Variants in ZFYVE28 observed in about 807,000 individuals in gnomAD.
The protein encoded by ZFYVE28 is lateral signaling target protein 2 homolog.
In ZFYVE28, 40 loss-of-function variants were observed where a neutral mutation model predicts 82.1. The ratio of observed to expected loss-of-function variants is 0.49; its 90% CI spans 0.38 to 0.63. ZFYVE28 has a LOEUF of 0.63. Among genes scored for constraint, ZFYVE28 ranks in the 30% least tolerant of loss-of-function variants. ZFYVE28 has a pLI of 0.00. For missense variants in ZFYVE28, 1,321 were observed against 1,242.1 expected (o/e 1.06, Z -0.96); for synonymous variants, 612 against 546.1 (o/e 1.12, Z -1.68).
intron 1 of ZFYVE28, among the ~76,000 whole-genome samples, chr4:2,360,430 C>A (rs1725986847): frequency 6.7e-6 from 1 of 150,186 alleles, no homozygotes; most frequent in South Asian, 2.1e-4. Context: ...CACACACAGG[C>A]ACGCACGCAC....
intron 1 of ZFYVE28, among the ~76,000 whole-genome samples, chr4:2,385,366 CA>C (rs1488651202): frequency 6.6e-6 from 1 of 151,752 alleles, no homozygotes; most frequent in African/African-American, 2.4e-5. Context: ...CTTACAGCCC[CA>C]GCGCTGAGAG....
chr4:2,371,333 A>G (rs1361961735), intron 1 of ZFYVE28, among the ~76,000 whole-genome samples: 1 of 152,218 alleles, frequency 6.6e-6, no homozygotes, highest in African/African-American at 2.4e-5. Context: ...AATACAACTT[A>G]GAAGCATTTG....
At chr4:2,377,188 A>AT (rs1728244868) in intron 1 of ZFYVE28, among the ~76,000 whole-genome samples, 1 of 148,330 alleles carries the variant, frequency 6.7e-6, no homozygotes, top group Non-Finnish European at 1.5e-5. Context: ...CGCCCAGCTA[A>AT]TTTTTTGTAT....
chr4:2,409,044 G>A lies in ZFYVE28; in HGVS notation c.39+9241C>T, dbSNP rs999388445. On this transcript the variant is annotated intron_variant, in intron 1 of 12. Transcript: ENST00000290974. This position sits in a 1 kb window ranked among gnomAD's most constrained non-coding sequence, Gnocchi z 4.4. ...ACATGCCTGGGCATCTCGCAGTGGG[G>A]AGGTCTGCCTTTACGCGGTCTGTGA... Among the ~76,000 whole-genome samples, 1 of 152,112 alleles carries A rather than the reference G, an allele frequency of 6.6e-6. No individual in the cohort carries two copies. Among genetic ancestry groups the A allele is most frequent in the African/African-American group, 2.4e-5 (1 of 41,404 alleles).
At chr4:2,355,279 CTTCT>C (rs1380238578) in intron 1 of ZFYVE28, among the ~76,000 whole-genome samples, 1 of 38,052 alleles carries the variant, frequency 2.6e-5, no homozygotes, top group East Asian at 7.2e-4. Flanking sequence ...TATAATGATT[CTTCT>C]TTTTTTTTTT....
At chr4:2,334,158 C>T (rs977179990) in intron 6 of ZFYVE28, among the ~76,000 whole-genome samples, 2 of 152,320 alleles carry the variant, frequency 1.3e-5, no homozygotes, top group South Asian at 2.1e-4. Flanking sequence ...AAAGACGCAA[C>T]CTCTGCGAGG....
intron 1 of ZFYVE28, among the ~76,000 whole-genome samples, chr4:2,415,619 G>A (rs1007948376): frequency 7.9e-5 from 12 of 152,166 alleles, no homozygotes; most frequent in African/African-American, 2.9e-4. Context: ...GTCTCCCCCA[G>A]ACACATCCTC....
chr4:2,329,041 G>C (rs1720290544), intron 6 of ZFYVE28: 1 of 685,798 alleles, frequency 1.5e-6, no homozygotes, highest in Non-Finnish European at 2.7e-6. Flanking sequence ...TTTGAAATCA[G>C]GACGTATGAA....
At chr4:2,287,094 C>G (rs985282647) in intron 8 of ZFYVE28, 1 of 152,272 alleles carries the variant, frequency 6.6e-6, no homozygotes, top group African/African-American at 2.4e-5. Context: ...AGGATCATCC[C>G]CTAGAACCTT....
intron 10 of ZFYVE28, among the ~76,000 whole-genome samples, chr4:2,272,610 G>A (rs1736013149): frequency 6.6e-6 from 1 of 152,244 alleles, no homozygotes; most frequent in Non-Finnish European, 1.5e-5. Flanking sequence ...GTGAGAGCAT[G>A]CCTGTGTGCT....
Position 2,302,006 on chromosome 4 carries a change from G to A in ZFYVE28, c.2051+2283C>T, listed in dbSNP as rs147376945. ...CCCGAGTGCACGCCAGGCCAGCCTC[G>A]CATGAGGCCCTGCCCCGCAGTGAAG... On this transcript the variant is annotated intron_variant, in intron 8 of 12. Coordinates refer to ENST00000290974, the MANE Select transcript of ZFYVE28 (RefSeq NM_020972.3). 5.5e-3 allele frequency among the ~76,000 whole-genome samples: 842 copies of A among 152,334 alleles called. 6 individuals carry two copies. Among genetic ancestry groups the A allele is most frequent in the Non-Finnish European group, 9.2e-3 (623 of 68,028 alleles).
At chr4:2,296,329 G>A (rs1326553299) in intron 8 of ZFYVE28, among the ~76,000 whole-genome samples, 4 of 152,178 alleles carry the variant, frequency 2.6e-5, no homozygotes, top group Admixed American at 6.5e-5. Context: ...TTTCATGCCT[G>A]GGGCCAGCGA....
At chr4:2,306,137 G>A (rs548919450) in intron 7 of ZFYVE28, among the ~76,000 whole-genome samples, 47 of 152,366 alleles carry the variant, frequency 3.1e-4, no homozygotes, top group African/African-American at 1.1e-3. Flanking sequence ...GGCTGAGGCC[G>A]GGAAGGCTTC....
At chr4:2,384,189 C>CCT (rs1303498463) in intron 1 of ZFYVE28, among the ~76,000 whole-genome samples, 2 of 152,174 alleles carry the variant, frequency 1.3e-5, no homozygotes, top group African/African-American at 4.8e-5. Flanking sequence ...GCCACAGAGC[C>CCT]CTCTCCTCCC....
chr4:2,301,489 G>C (rs1352351982), intron 8 of ZFYVE28, among the ~76,000 whole-genome samples: 1 of 147,726 alleles, frequency 6.8e-6, no homozygotes, highest in East Asian at 1.9e-4. Flanking sequence ...CACCACCTGG[G>C]CTCCTTCCCT....
intron 2 of ZFYVE28, among the ~76,000 whole-genome samples, chr4:2,346,191 A>C (rs925662115): frequency 6.6e-6 from 1 of 150,974 alleles, no homozygotes; most frequent in African/African-American, 2.4e-5. Flanking sequence ...AAATACAAAA[A>C]ATTAGCCGGG....
chr4:2,324,307 G>T (rs1419194496), intron 6 of ZFYVE28, among the ~76,000 whole-genome samples: 1 of 152,166 alleles, frequency 6.6e-6, no homozygotes, highest in Non-Finnish European at 1.5e-5. Context: ...GTCGTCAGCT[G>T]TACTCAGAGT....
chr4:2,326,095 C>T (rs1464633889), intron 6 of ZFYVE28, among the ~76,000 whole-genome samples: 1 of 152,150 alleles, frequency 6.6e-6, no homozygotes, highest in Admixed American at 6.5e-5. Flanking sequence ...GCTTCTCTTA[C>T]CTGCACTTTG....
At chr4:2,315,893 G>A (rs1718133001) in intron 7 of ZFYVE28, among the ~76,000 whole-genome samples, 1 of 151,888 alleles carries the variant, frequency 6.6e-6, no homozygotes, top group African/African-American at 2.4e-5. Flanking sequence ...CTCTTTCTGG[G>A]ATTCCAATTA....
Sources: allele counts gnomAD v4.1 joint callset (sites outside exome capture counted in the v4.1 genomes callset), GRCh38; gene constraint gnomAD v4.1.1; non-coding constraint Gnocchi (gnomAD v3.1); transcripts MANE v1.5; gene names NCBI Gene and HGNC (gene_info 2026-07-23, HGNC 2026-07-21).